Variants in FRMD3 observed in about 807,000 individuals in gnomAD.
The protein encoded by FRMD3 is FERM domain-containing protein 3.
FRMD3 carries 33 observed loss-of-function variants against 70.2 expected under a neutral mutation model. That is an observed-to-expected ratio of 0.47 (90% CI 0.36 to 0.63). FRMD3 has a LOEUF of 0.63. FRMD3 is among the 20% of genes least tolerant of loss of function. FRMD3 has a pLI of 0.00. For synonymous variants in FRMD3, 279 were observed against 255.9 expected (o/e 1.09, Z -0.86); for missense variants, 632 against 711.4 (o/e 0.89, Z 1.27).
intron 1 of FRMD3, among the ~76,000 whole-genome samples, chr9:83,443,105 T>C (rs901184066): frequency 6.6e-6 from 1 of 152,204 alleles, no homozygotes; most frequent in Non-Finnish European, 1.5e-5. Flanking sequence ...ATGATTCTTA[T>C]TATCTTTCAC....
intron 1 of FRMD3, among the ~76,000 whole-genome samples, chr9:83,438,194 C>A (rs1393794808): frequency 1.3e-5 from 2 of 152,042 alleles, no homozygotes; most frequent in Non-Finnish European, 2.9e-5. Flanking sequence ...TGAAGCAAGC[C>A]ACAAAAATAT....
intron 1 of FRMD3, among the ~76,000 whole-genome samples, chr9:83,464,678 C>A (rs1328189342): frequency 6.6e-6 from 1 of 152,164 alleles, no homozygotes; most frequent in Admixed American, 6.5e-5. Flanking sequence ...TTTTCATTCA[C>A]TGTGAGAGGG....
At chr9:83,500,500 G>GCACACACACACACACACACACA (rs377538475) in intron 1 of FRMD3, among the ~76,000 whole-genome samples, 14 of 136,720 alleles carry the variant, frequency 1.0e-4, no homozygotes, top group African/African-American at 4.0e-4. Context: ...GCGTGTATGC[G>GCACACACACACACACACACACA]CGCACACACA....
chr9:83,336,018 G>C (rs7029388), intron 5 of FRMD3, among the ~76,000 whole-genome samples: 1 of 152,084 alleles, frequency 6.6e-6, no homozygotes, highest in African/African-American at 2.4e-5. Flanking sequence ...GCTAGCAGCA[G>C]ACCCAGGCAC....
chr9:83,572,094 G>T, the FRMD3 span, among the ~76,000 whole-genome samples: 3 of 152,032 alleles, frequency 2.0e-5, no homozygotes, highest in African/African-American at 7.2e-5. Context: ...ACAGAATTTT[G>T]CTTGACAAGG....
In FRMD3 at chr9:83,248,230, C is replaced by G; in HGVS notation, c.1482G>C (p.Leu494Phe). 1 of 1,614,108 alleles carries G rather than the reference C, an allele frequency of 6.2e-7. No homozygotes were observed. The highest frequency in any genetic ancestry group is 8.5e-7 in the Non-Finnish European group (1 of 1,180,020). Residue 494 changes from leucine to phenylalanine, a missense_variant, in exon 14 of 14, where the codon TTG (leucine) becomes TTC (phenylalanine). Coordinates refer to ENST00000304195, the MANE Select transcript of FRMD3 (RefSeq NM_174938.6). ...CCTTCAGCTCCTCTTCTTCAGCAATCAAAAAGGCGTTTTCATCTGCTTCCA... is the reference window on the plus strand; with the variant it reads ...CCTTCAGCTCCTCTTCTTCAGCAATGAAAAAGGCGTTTTCATCTGCTTCCA... ...EDLEADENAF[L>F]IAEEEELKEA...
intron 1 of FRMD3, among the ~76,000 whole-genome samples, chr9:83,452,537 A>C (rs1302158405): frequency 1.3e-5 from 2 of 151,948 alleles, no homozygotes. Flanking sequence ...GCTGGAGTGC[A>C]GTGGTGCGAT....
chr9:83,408,374 A>T (rs896869968), intron 1 of FRMD3, among the ~76,000 whole-genome samples: 1 of 152,142 alleles, frequency 6.6e-6, no homozygotes, highest in Non-Finnish European at 1.5e-5. Flanking sequence ...TATCACAAAC[A>T]TGGGGCTTTC....
At chr9:83,354,342 T>C (rs993627649) in intron 3 of FRMD3, among the ~76,000 whole-genome samples, 7 of 152,230 alleles carry the variant, frequency 4.6e-5, no homozygotes, top group African/African-American at 1.4e-4. Flanking sequence ...CAAAATCACA[T>C]CCTTTGCAGC....
rs937108016 is a variant in FRMD3 at position 83,245,182 on chromosome 9, C to T, written c.*2736G>A. On this transcript the variant is annotated 3_prime_UTR_variant, in exon 14 of 14. Transcript: ENST00000304195. ...TATGTTGTGTCTATTCAAAGACACA[C>T]ATATATACAGATTCATATATAAACA... 5.1e-6 allele frequency: 5 copies of T among 984,480 alleles called. No individual in the cohort carries two copies. Among genetic ancestry groups the T allele is most frequent in the Non-Finnish European group, 6.0e-6 (5 of 829,122 alleles). The allele number at this position is 984,480 out of a possible 1,614,324, so 61.0% of individuals were successfully genotyped here.
At position 83,413,078 on chromosome 9, in the gene FRMD3, C is replaced by A. The variant is rs562091278; in HGVS notation, c.148-23370G>T. On this transcript the variant is annotated intron_variant, in intron 1 of 13. Coordinates refer to ENST00000304195, the MANE Select transcript of FRMD3 (RefSeq NM_174938.6). ...AAATATGGTTCTAATAAAATAATTG[C>A]ATTTGGAAGATATTCTTCACTATTT... 2.0e-5 allele frequency among the ~76,000 whole-genome samples: 3 copies of A among 152,160 alleles called. No homozygotes were observed. In the South Asian group the frequency reaches 6.2e-4, roughly 32 times the overall value.
chr9:83,508,385 C>T (rs943267801), intron 1 of FRMD3, among the ~76,000 whole-genome samples: 4 of 152,188 alleles, frequency 2.6e-5, no homozygotes, highest in African/African-American at 9.7e-5. Context: ...TGTACGCACA[C>T]ATATAACTTT....
chr9:83,281,668 C>A (rs1833975510), intron 13 of FRMD3: 1 of 152,172 alleles, frequency 6.6e-6, no homozygotes, highest in Admixed American at 6.5e-5. Flanking sequence ...ATGAGTCATT[C>A]CTTATTTAAT....
chr9:83,483,754 A>G (rs1828623625), intron 1 of FRMD3, among the ~76,000 whole-genome samples: 1 of 152,102 alleles, frequency 6.6e-6, no homozygotes, highest in Admixed American at 6.5e-5. Flanking sequence ...TAGCTACCCA[A>G]GAGGCTGAGG....
chr9:83,514,063 CAGG>C (rs1829399027), intron 1 of FRMD3, among the ~76,000 whole-genome samples: 1 of 152,148 alleles, frequency 6.6e-6, no homozygotes, highest in South Asian at 2.1e-4. Flanking sequence ...GAGCTAGCTG[CAGG>C]AGTTTTTTTC....
Position 83,305,177 on chromosome 9 carries a change from G to A in FRMD3, c.926+4359C>T, listed in dbSNP as rs570807432. ...GGCCAGCAGGACAGAGCTAGAAGCA[G>A]GGCCAGGACCTCTGCCCAGGGAAGG... On this transcript the variant is annotated intron_variant, in intron 10 of 13. Transcript: ENST00000304195. Among the ~76,000 whole-genome samples the A allele has an allele frequency of 4.6e-5, 7 of 152,338 alleles. No individual in the cohort carries two copies. The East Asian group carries it at 1.4e-3, about 29-fold the overall frequency.
chr9:83,398,000 G>C (rs1825852256), intron 1 of FRMD3, among the ~76,000 whole-genome samples: 3 of 152,164 alleles, frequency 2.0e-5, no homozygotes, highest in South Asian at 2.1e-4. Context: ...ATACAGAATA[G>C]TAATGAGAAA....
At chr9:83,277,696 CAA>C (rs1563989896) in intron 13 of FRMD3, among the ~76,000 whole-genome samples, 1 of 152,168 alleles carries the variant, frequency 6.6e-6, no homozygotes, top group Non-Finnish European at 1.5e-5. Context: ...AAAAACATAA[CAA>C]GAGAGCATGC....
At chr9:83,584,359 T>C in the FRMD3 span, among the ~76,000 whole-genome samples, 1 of 151,828 alleles carries the variant, frequency 6.6e-6, no homozygotes, top group East Asian at 1.9e-4. Flanking sequence ...CTCCCCCGAT[T>C]ATCTCCTCCT....
Sources: gnomAD v4.1 joint callset for allele counts (sites outside exome capture counted in the v4.1 genomes callset) on GRCh38, gnomAD v4.1.1 for gene constraint, MANE v1.5 for transcripts, NCBI Gene and HGNC (gene_info 2026-07-23, HGNC 2026-07-21) for gene names.